Variants in TFB1M observed in about 807,000 individuals in gnomAD.
TFB1M encodes the protein transcription factor B1, mitochondrial, also known as dimethyladenosine transferase 1, mitochondrial.
A neutral mutation model predicts 31.1 loss-of-function variants in TFB1M; 27 were observed. The ratio of observed to expected loss-of-function variants is 0.87; its 90% CI spans 0.64 to 1.20. The LOEUF is 1.20. TFB1M is among the 50% of genes most tolerant of loss of function. The probability of loss-of-function intolerance (pLI) is 0.00; values close to 1 mark genes in which losing one functional copy is unlikely to be tolerated. For missense variants in TFB1M, 394 were observed against 418.7 expected (o/e 0.94, Z 0.51); for synonymous variants, 166 against 151.8 (o/e 1.09, Z -0.69).
the TFB1M span, chr6:155,244,075 A>G: frequency 1.2e-6 from 2 of 1,613,844 alleles, no homozygotes; most frequent in Non-Finnish European, 8.5e-7. Flanking sequence ...CTTACCCAAG[A>G]TGAGGTAAAT....
At chr6:155,241,520 T>C in the TFB1M span, among the ~76,000 whole-genome samples, 2 of 152,174 alleles carry the variant, frequency 1.3e-5, no homozygotes, top group African/African-American at 4.8e-5. Flanking sequence ...CTAAATGTCT[T>C]CCAACTCTGA....
At chr6:155,281,550 C>T (rs1398372160) in intron 5 of TFB1M, among the ~76,000 whole-genome samples, 4 of 151,752 alleles carry the variant, frequency 2.6e-5, no homozygotes, top group Non-Finnish European at 5.9e-5. Context: ...GGTGAAACCT[C>T]GTCTCTACTA....
At chr6:155,262,704 C>T (rs1396784853) in intron 5 of TFB1M, among the ~76,000 whole-genome samples, 2 of 152,126 alleles carry the variant, frequency 1.3e-5, no homozygotes, top group African/African-American at 2.4e-5. Flanking sequence ...AGCACAAATA[C>T]AGAGATAGAT....
chr6:155,239,171 AC>A, the TFB1M span, among the ~76,000 whole-genome samples: 1 of 152,248 alleles, frequency 6.6e-6, no homozygotes, highest in African/African-American at 2.4e-5. Flanking sequence ...TCAGCTTCTT[AC>A]CCAAGACAGA....
chr6:155,248,197 C>T, the TFB1M span: 1 of 1,608,990 alleles, frequency 6.2e-7, no homozygotes, highest in Non-Finnish European at 8.5e-7. Flanking sequence ...GGCGGCGGCA[C>T]CTCCGGGCGA....
chr6:155,310,940 T>A (rs775885424), intron 2 of TFB1M: 32 of 503,796 alleles, frequency 6.4e-5, no homozygotes, highest in Non-Finnish European at 1.0e-4. Flanking sequence ...ATTAATTTGT[T>A]TAGCATAAAT....
intron 5 of TFB1M, chr6:155,276,684 C>T: frequency 4.0e-6 from 1 of 250,780 alleles, no homozygotes; most frequent in South Asian, 7.1e-5. Flanking sequence ...TGCTGATACA[C>T]CTTTCAAACT....
chr6:155,254,821 C>T (rs1036894299), downstream of TFB1M: 1 of 460,180 alleles, frequency 2.2e-6, no homozygotes, highest in Non-Finnish European at 4.0e-6. Flanking sequence ...TTTGTTTCTT[C>T]CACTAAGATG....
chr6:155,308,968 C>T (rs535362955), intron 2 of TFB1M, among the ~76,000 whole-genome samples: 2 of 152,164 alleles, frequency 1.3e-5, no homozygotes, highest in South Asian at 4.1e-4. Flanking sequence ...TTTTAGTACC[C>T]AACATTTCTT....
the TFB1M span, among the ~76,000 whole-genome samples, chr6:155,237,556 C>T: frequency 6.6e-6 from 1 of 152,228 alleles, no homozygotes; most frequent in Non-Finnish European, 1.5e-5. Context: ...AGAGCCCTGC[C>T]CCTGCAGCAA....
chr6:155,244,909 C>T, the TFB1M span: 1 of 1,242,670 alleles, frequency 8.0e-7, no homozygotes, highest in South Asian at 1.8e-5. Context: ...TGTCCTGTGA[C>T]TATTTCCTTG....
At chr6:155,250,448 A>AT in the TFB1M span, 1 of 1,043,418 alleles carries the variant, frequency 9.6e-7, no homozygotes, top group East Asian at 2.6e-5. Flanking sequence ...AGGAAGTAGC[A>AT]TAGTTTAGGG....
intron 5 of TFB1M, among the ~76,000 whole-genome samples, chr6:155,265,061 C>T (rs1472723246): frequency 6.6e-6 from 1 of 152,226 alleles, no homozygotes; most frequent in Non-Finnish European, 1.5e-5. Flanking sequence ...GCCTTTTCCA[C>T]AAACCACGCC....
At chr6:155,241,289 T>C in the TFB1M span, among the ~76,000 whole-genome samples, 1 of 152,216 alleles carries the variant, frequency 6.6e-6, no homozygotes, top group African/African-American at 2.4e-5. Flanking sequence ...TTGAGAAAGA[T>C]TTTATGAAGA....
intron 2 of TFB1M, among the ~76,000 whole-genome samples, chr6:155,298,835 T>C (rs1022144812): frequency 2.0e-5 from 3 of 152,174 alleles, no homozygotes; most frequent in African/African-American, 7.2e-5. Flanking sequence ...TATATTAGTG[T>C]AATTTTGACC....
rs1158622722 is a variant in TFB1M, at chr6:155,305,303, TATAAAC to T, written c.285+5879_285+5884del. ...ATATATTAAATTATATATTTATATATATAAACATATATTAAATTATATATTTATATA... is the reference window on the plus strand; with the variant it reads ...ATATATTAAATTATATATTTATATATATATATTAAATTATATATTTATATA... On this transcript the variant is annotated intron_variant, in intron 2 of 6. Transcript: ENST00000367166. Among the ~76,000 whole-genome samples the T allele has an allele frequency of 3.2e-4, 12 of 37,238 alleles. 2 individuals carry two copies. Among genetic ancestry groups the T allele is most frequent in the African/African-American group, 6.9e-4 (6 of 8,676 alleles). The allele number at this position is 37,238 out of a possible 152,430, so 24.4% of individuals were successfully genotyped here.
the TFB1M span, among the ~76,000 whole-genome samples, chr6:155,236,806 AC>A: frequency 6.6e-6 from 1 of 152,110 alleles, no homozygotes; most frequent in African/African-American, 2.4e-5. Flanking sequence ...GGAAAGGCCC[AC>A]CCCCATGATT....
chr6:155,281,578 G>A (rs775827761), intron 5 of TFB1M, among the ~76,000 whole-genome samples: 5 of 151,952 alleles, frequency 3.3e-5, no homozygotes, highest in Middle Eastern at 3.4e-3. Flanking sequence ...AAAACTTAGC[G>A]GGGCATGATG....
the TFB1M span, chr6:155,240,746 T>C: frequency 6.3e-7 from 1 of 1,578,846 alleles, no homozygotes; most frequent in Non-Finnish European, 8.6e-7. Flanking sequence ...TTCGTGCCTC[T>C]TTGATGATGG....
Sources: gnomAD v4.1 joint callset for allele counts (sites outside exome capture counted in the v4.1 genomes callset) on GRCh38, gnomAD v4.1.1 for gene constraint, MANE v1.5 for transcripts, NCBI Gene and HGNC (gene_info 2026-07-23, HGNC 2026-07-21) for gene names.